The following DCBLD2 variants were observed in gnomAD, a reference collection of about 807,000 sequenced individuals.
DCBLD2 encodes discoidin, CUB and LCCL domain-containing protein 2.
Under a neutral mutation model 86.8 loss-of-function variants are expected in DCBLD2, and 54 were observed. The ratio of observed to expected loss-of-function variants is 0.62; its 90% confidence interval spans 0.50 to 0.78. DCBLD2 has a LOEUF of 0.78. Among genes scored for constraint, DCBLD2 ranks in the 30% least tolerant of loss-of-function variants. The pLI is 0.00. For missense variants in DCBLD2, 908 were observed against 954.2 expected, an observed-to-expected ratio of 0.95 and a Z score of 0.64; for synonymous variants, 354 against 341.3, an observed-to-expected ratio of 1.04 and a Z score of -0.41.
intron 2 of DCBLD2, among the ~76,000 whole-genome samples, chr3:98,868,060 C>T (rs1184279620): frequency 6.6e-6 from 1 of 152,130 alleles, no homozygotes; most frequent in Non-Finnish European, 1.5e-5. Context: ...ACCTCAGCCT[C>T]CCAAAGTTCT....
intron 1 of DCBLD2, among the ~76,000 whole-genome samples, chr3:98,893,338 G>A (rs1943696276): frequency 6.6e-6 from 1 of 150,576 alleles, no homozygotes; most frequent in South Asian, 2.1e-4. Flanking sequence ...ATCCAGGTAT[G>A]TCCAAGTCCA....
rs181310322 is a variant in DCBLD2, at chr3:98,863,800, T to C, written c.434-14202A>G. Among the ~76,000 whole-genome samples the C allele has an allele frequency of 2.9e-3, 439 of 150,038 alleles. 1 individual carries two copies. Among genetic ancestry groups the C allele is most frequent in the South Asian group, 0.011 (53 of 4,760 alleles). ...GGCAATACCATTCAGGACATAGGCA[T>C]GGACTTCATGTCTAAAACACCAAAA... is the stretch of plus-strand genomic sequence containing the variant. On this transcript the variant is annotated intron_variant, in intron 2 of 15. Transcript: ENST00000326840.
rs150293724 is a variant in DCBLD2 at position 98,797,539 on chromosome 3, A to G, written c.*1833T>C. 3.9e-5 allele frequency: 6 copies of G among 152,664 alleles called. No individual in the cohort carries two copies. Among genetic ancestry groups the G allele is most frequent in the Admixed American group, 3.3e-4 (5 of 15,298 alleles). The allele number at this position is 152,664 out of a possible 1,614,324, so 9.5% of individuals were successfully genotyped here. A position where few individuals can be genotyped will look rare whatever the true frequency, so the allele number is the denominator to read the frequency against. ...CTGCATTAATATATGTGCTTTCCAC[A>G]TCCATATATGTTTTAATAAAAGTCT... On this transcript the variant is annotated 3_prime_UTR_variant, in exon 16 of 16. Coordinates refer to ENST00000326840, the MANE Select transcript of DCBLD2 (RefSeq NM_080927.4).
intron 3 of DCBLD2, among the ~76,000 whole-genome samples, chr3:98,847,777 T>C (rs1239757832): frequency 6.6e-6 from 1 of 152,172 alleles, no homozygotes; most frequent in Non-Finnish European, 1.5e-5. Context: ...AATAATCAAC[T>C]GTTAAAAATT....
intron 1 of DCBLD2, among the ~76,000 whole-genome samples, chr3:98,896,988 T>C (rs948596178): frequency 1.3e-5 from 2 of 152,224 alleles, no homozygotes; most frequent in African/African-American, 4.8e-5. Flanking sequence ...GTCACTTTGC[T>C]AAGTGTAGTC....
At chr3:98,873,193 C>T (rs917660439) in intron 2 of DCBLD2, among the ~76,000 whole-genome samples, 1 of 151,670 alleles carries the variant, frequency 6.6e-6, no homozygotes, top group Non-Finnish European at 1.5e-5. Context: ...AATATCTAGT[C>T]GACACAGCAC....
At chr3:98,852,962 G>A (rs760741912) in intron 2 of DCBLD2, among the ~76,000 whole-genome samples, 2 of 152,188 alleles carry the variant, frequency 1.3e-5, no homozygotes, top group Non-Finnish European at 2.9e-5. Flanking sequence ...GGGACCCCAA[G>A]CAGAGAATTC....
intron 2 of DCBLD2, among the ~76,000 whole-genome samples, chr3:98,863,735 T>C (rs999504130): frequency 6.6e-6 from 1 of 152,218 alleles, no homozygotes; most frequent in African/African-American, 2.4e-5. Flanking sequence ...AAGACTTAAA[T>C]GTTAGACCTA....
At chr3:98,840,198 G>A (rs929588096) in intron 3 of DCBLD2, among the ~76,000 whole-genome samples, 4 of 152,184 alleles carry the variant, frequency 2.6e-5, no homozygotes, top group South Asian at 2.1e-4. Flanking sequence ...ATTTATTGCC[G>A]TAATTGAGGT....
At chr3:98,822,020 TGG>T in intron 6 of DCBLD2, 1 of 643,150 alleles carries the variant, frequency 1.6e-6, no homozygotes. Flanking sequence ...CACTCCAGCC[TGG>T]GCAATGAGAG....
chr3:98,857,503 G>C (rs975894469), intron 2 of DCBLD2, among the ~76,000 whole-genome samples: 9 of 152,142 alleles, frequency 5.9e-5, no homozygotes, highest in African/African-American at 1.9e-4. Context: ...GGTCCGTTAT[G>C]ACAGGGTGCT....
At chr3:98,894,958 G>A (rs1437461957) in intron 1 of DCBLD2, among the ~76,000 whole-genome samples, 1 of 152,140 alleles carries the variant, frequency 6.6e-6, no homozygotes. Flanking sequence ...GACTGTTCGA[G>A]AACTCTTCAT....
chr3:98,853,984 G>GTT (rs66721700), intron 2 of DCBLD2, among the ~76,000 whole-genome samples: 407 of 150,854 alleles, frequency 2.7e-3, no homozygotes, highest in African/African-American at 8.3e-3. Flanking sequence ...TTACGAACAG[G>GTT]TTTTTTTTTT....
At chr3:98,886,809 C>CTTTTTTTTTTT (rs1553734159) in intron 1 of DCBLD2, among the ~76,000 whole-genome samples, 1 of 121,480 alleles carries the variant, frequency 8.2e-6, no homozygotes. Flanking sequence ...AACCCCCCCC[C>CTTTTTTTTTTT]TTTTTTTTTT....
At chr3:98,870,857 C>G (rs897065151) in intron 2 of DCBLD2, among the ~76,000 whole-genome samples, 38 of 151,152 alleles carry the variant, frequency 2.5e-4, no homozygotes, top group African/African-American at 8.8e-4. Flanking sequence ...TCTACTGAAT[C>G]TGTAGATTGT....
chr3:98,831,435 A>C (rs577907012), intron 3 of DCBLD2, among the ~76,000 whole-genome samples: 3 of 152,188 alleles, frequency 2.0e-5, no homozygotes, highest in Admixed American at 2.0e-4. Context: ...GACCTTTTGA[A>C]TGTTTTTCTG....
chr3:98,889,275 T>A (rs996304828), intron 1 of DCBLD2, among the ~76,000 whole-genome samples: 4 of 151,962 alleles, frequency 2.6e-5, no homozygotes, highest in African/African-American at 9.7e-5. Context: ...CAGCCTCAGA[T>A]GGGCACTCAA....
intron 3 of DCBLD2, among the ~76,000 whole-genome samples, chr3:98,838,223 G>A (rs1450088189): frequency 5.7e-4 from 64 of 113,066 alleles, no homozygotes; most frequent in African/African-American, 1.8e-3. Context: ...GGTGGCTGCC[G>A]GGCGGAGAGG....
intron 3 of DCBLD2, among the ~76,000 whole-genome samples, chr3:98,825,756 A>C (rs986490415): frequency 1.3e-5 from 2 of 150,652 alleles, no homozygotes; most frequent in Admixed American, 1.3e-4. Flanking sequence ...ACACACAGAA[A>C]TATTTCTTGG....
Sources: allele counts gnomAD v4.1 joint callset (sites outside exome capture counted in the v4.1 genomes callset), GRCh38; gene constraint gnomAD v4.1.1; transcripts MANE v1.5; gene names NCBI Gene and HGNC (gene_info 2026-07-23, HGNC 2026-07-21).